Variants in ATIC observed in about 807,000 individuals in gnomAD.
ATIC encodes bifunctional purine biosynthesis protein ATIC.
Under a neutral mutation model 72.5 loss-of-function variants are expected in ATIC, and 64 were observed. The ratio of observed to expected loss-of-function variants is 0.88; its 90% CI spans 0.72 to 1.09. ATIC has a LOEUF of 1.09. Ranked by LOEUF, ATIC falls within the 50% of genes least tolerant of loss-of-function variation. The pLI is 0.00. For missense variants in ATIC, 787 were observed against 732.4 expected (o/e 1.07, Z -0.86); for synonymous variants, 281 against 267.1 (o/e 1.05, Z -0.51).
At chr2:215,320,083 AT>A (rs1367863966) in intron 4 of ATIC, among the ~76,000 whole-genome samples, 2 of 152,270 alleles carry the variant, frequency 1.3e-5, no homozygotes, top group Admixed American at 6.5e-5. Flanking sequence ...TTCAGTGAGC[AT>A]TTCCTCCAAG....
the ATIC span, chr2:215,361,538 T>C: frequency 6.4e-7 from 1 of 1,568,018 alleles, no homozygotes; most frequent in South Asian, 1.1e-5. Context: ...CTTGTTCCTC[T>C]GGATTGGAAA....
At chr2:215,319,620 C>G (rs763139006) in intron 3 of ATIC, 45 bp from the exon 4 acceptor site, 1 of 1,358,320 alleles carries the variant, frequency 7.4e-7, no homozygotes. Context: ...CTTAATCTGA[C>G]TTGTTTTTTG....
chr2:215,333,420 C>T lies in ATIC; in HGVS notation c.885C>T (p.Thr295=). 1 of 1,613,954 alleles carries T rather than the reference C, an allele frequency of 6.2e-7. No individual in the cohort carries two copies. The highest frequency in any genetic ancestry group is 8.5e-7 in the Non-Finnish European group (1 of 1,179,982). Residue 295 remains threonine (T), a synonymous_variant, in exon 9 of 16, where the codon ACC becomes ACT. Transcript: ENST00000236959. ...KVCMVYDLYK[T]LTPISAAYAR... ...GCATGGTTTATGATCTCTATAAAACCCTCACACCCATCTCAGCGGCATATG... is the reference window on the plus strand; with the variant it reads ...GCATGGTTTATGATCTCTATAAAACTCTCACACCCATCTCAGCGGCATATG...
chr2:215,322,188 C>T (rs991163705), intron 4 of ATIC, among the ~76,000 whole-genome samples: 1 of 152,066 alleles, frequency 6.6e-6, no homozygotes, highest in Admixed American at 6.5e-5. Flanking sequence ...CAGGCTTGAG[C>T]CACCATGCCC....
intron 11 of ATIC, among the ~76,000 whole-genome samples, chr2:215,337,557 G>T (rs1284522996): frequency 2.0e-5 from 3 of 152,156 alleles, no homozygotes; most frequent in Non-Finnish European, 4.4e-5. Context: ...AGTAGAGACA[G>T]GGTTTCACCA....
chr2:215,324,765 C>T (rs12105862), intron 4 of ATIC, among the ~76,000 whole-genome samples: 4,910 of 152,194 alleles, frequency 0.032, 267 homozygotes, highest in African/African-American at 0.11. Flanking sequence ...GAAGGCAAAA[C>T]AAATGTTTCA....
chr2:215,333,518 T>C, intron 9 of ATIC, 61 bp downstream of exon 9: 1 of 1,373,980 alleles, frequency 7.3e-7, no homozygotes, highest in East Asian at 2.4e-5. Context: ...TTATCCTAAA[T>C]AGAATAAAGA....
rs2052818427 is a variant in ATIC at position 215,325,907 on chromosome 2, A to G, written c.380-80A>G. The G allele has an allele frequency of 1.2e-5, 18 of 1,523,378 alleles. No individual in the cohort carries two copies. The South Asian group carries it at 1.7e-4, about 15-fold the overall frequency. 94.4% of individuals were successfully genotyped at this position (1,523,378 alleles called of 1,614,324 possible). On this transcript the variant is annotated intron_variant, in intron 5 of 15. Coordinates refer to ENST00000236959, the MANE Select transcript of ATIC (RefSeq NM_004044.7). ...AAGTCAGGAATTAAAATGGAAGTAC[A>G]TGCACAATGACTTTATTTAAAAGCG...
chr2:215,339,560 C>T (rs1288677062), intron 12 of ATIC, among the ~76,000 whole-genome samples: 1 of 152,170 alleles, frequency 6.6e-6, no homozygotes, highest in Non-Finnish European at 1.5e-5. Context: ...GTCCATGTGG[C>T]AGTCAGTCCA....
At chr2:215,330,784 T>G (rs961788236) in intron 7 of ATIC, among the ~76,000 whole-genome samples, 4 of 151,668 alleles carry the variant, frequency 2.6e-5, no homozygotes, top group African/African-American at 9.7e-5. Context: ...ACTCAAGCAG[T>G]CCTTCCGCCT....
At chr2:215,349,044 A>G (rs769031412) in intron 14 of ATIC, 50 bp from the exon 15 acceptor site, 2 of 1,603,286 alleles carry the variant, frequency 1.2e-6, no homozygotes, top group Non-Finnish European at 1.7e-6. Flanking sequence ...ACCACATAGA[A>G]CTAAAGACGA....
At chr2:215,366,210 A>G in the ATIC span, among the ~76,000 whole-genome samples, 6 of 152,102 alleles carry the variant, frequency 3.9e-5, no homozygotes, top group Non-Finnish European at 7.4e-5. Context: ...TTCTGCCACA[A>G]TCATGTCATC....
chr2:215,332,825 TAAAG>T (rs1427028853), intron 8 of ATIC, among the ~76,000 whole-genome samples: 2 of 152,202 alleles, frequency 1.3e-5, no homozygotes, highest in Non-Finnish European at 2.9e-5. Context: ...GGAGTAAACA[TAAAG>T]AAGTTCTTCT....
chr2:215,360,573 T>TAAAG, the ATIC span: 7 of 152,238 alleles, frequency 4.6e-5, no homozygotes, highest in Non-Finnish European at 8.8e-5. Context: ...AAAGAGCAAC[T>TAAAG]AAAGATTATT....
chr2:215,329,530 A>C (rs570763861), intron 7 of ATIC, among the ~76,000 whole-genome samples: 1 of 152,314 alleles, frequency 6.6e-6, no homozygotes, highest in South Asian at 2.1e-4. Flanking sequence ...ATGTTATTAC[A>C]GAGTGTATGG....
the ATIC span, chr2:215,361,213 T>C: frequency 3.6e-6 from 1 of 278,828 alleles, no homozygotes; most frequent in Admixed American, 4.8e-5. Flanking sequence ...CTTAAAATTT[T>C]GGTCATATCA....
chr2:215,327,039 A>G, intron 7 of ATIC, 61 bp downstream of exon 7: 1 of 1,605,158 alleles, frequency 6.2e-7, no homozygotes, highest in Admixed American at 1.7e-5. Context: ...GTTTCTCTGT[A>G]TTGCATCTGA....
At chr2:215,315,768 TG>T (rs1332023080) in intron 2 of ATIC, among the ~76,000 whole-genome samples, 1 of 152,088 alleles carries the variant, frequency 6.6e-6, no homozygotes, top group Non-Finnish European at 1.5e-5. Flanking sequence ...CTGGCCAACA[TG>T]GTGCAACTCC....
intron 9 of ATIC, among the ~76,000 whole-genome samples, chr2:215,334,189 CT>C (rs551274501): frequency 1.3e-3 from 130 of 100,968 alleles, no homozygotes; most frequent in African/African-American, 1.6e-3. Flanking sequence ...AAAAGCTATT[CT>C]TTTTTTTTTT....
Sources: allele counts gnomAD v4.1 joint callset (sites outside exome capture counted in the v4.1 genomes callset), GRCh38; gene constraint gnomAD v4.1.1; transcripts MANE v1.5; gene names NCBI Gene and HGNC (gene_info 2026-07-23, HGNC 2026-07-21).